The following LNPK variants were observed in gnomAD, a reference collection of about 807,000 sequenced individuals.
LNPK encodes the protein endoplasmic reticulum junction formation protein lunapark.
Under a neutral mutation model 55.2 loss-of-function variants are expected in LNPK, and 29 were observed. The observed-to-expected ratio is 0.53, with a 90% CI of 0.39 to 0.72. The LOEUF is 0.72. LNPK is among the 30% of genes least tolerant of loss of function. The pLI is 0.00. For missense variants in LNPK, 467 were observed against 494.8 expected (o/e 0.94, Z 0.53); for synonymous variants, 162 against 168.2 (o/e 0.96, Z 0.29).
chr2:175,963,933 T>C (rs1429592983), intron 8 of LNPK, among the ~76,000 whole-genome samples: 1 of 151,968 alleles, frequency 6.6e-6, no homozygotes, highest in Non-Finnish European at 1.5e-5. Context: ...TCAATTTTCA[T>C]TTTTCTTATT....
chr2:175,988,390 T>A (rs1687528575), intron 4 of LNPK, among the ~76,000 whole-genome samples: 1 of 151,204 alleles, frequency 6.6e-6, no homozygotes, highest in South Asian at 2.1e-4. Flanking sequence ...TGAATGCGTA[T>A]AATCCCCACT....
intron 5 of LNPK, among the ~76,000 whole-genome samples, chr2:175,975,195 T>C (rs1470076669): frequency 6.6e-6 from 1 of 152,146 alleles, no homozygotes; most frequent in Admixed American, 6.5e-5. Context: ...GCAAACATCA[T>C]ACTTAATGGT....
intron 9 of LNPK, chr2:175,940,921 A>C (rs1559030848): frequency 4.4e-6 from 2 of 451,440 alleles, no homozygotes; most frequent in Non-Finnish European, 8.9e-6. Flanking sequence ...ACACAAAAAA[A>C]CTGGTGAACT....
intron 1 of LNPK, among the ~76,000 whole-genome samples, chr2:175,996,297 T>C (rs183483615): frequency 1.4e-3 from 220 of 152,346 alleles, no homozygotes; most frequent in African/African-American, 5.1e-3. Context: ...ACTACTTTCA[T>C]ACTATACACT....
intron 9 of LNPK, among the ~76,000 whole-genome samples, chr2:175,943,472 C>T (rs1282676796): frequency 1.3e-5 from 2 of 151,602 alleles, no homozygotes; most frequent in Non-Finnish European, 3.0e-5. Flanking sequence ...ACAAAAAAAC[C>T]ACAGACCCAA....
chr2:175,980,904 CAAA>C (rs369143349), intron 4 of LNPK, among the ~76,000 whole-genome samples: 6 of 99,542 alleles, frequency 6.0e-5, no homozygotes, highest in Non-Finnish European at 5.8e-5. Context: ...AAGACTGTCC[CAAA>C]AAAAAAAAAA....
chr2:175,987,970 A>C (rs1687505863), intron 4 of LNPK, among the ~76,000 whole-genome samples: 1 of 152,222 alleles, frequency 6.6e-6, no homozygotes, highest in Admixed American at 6.5e-5. Flanking sequence ...AAAATGCTAA[A>C]AGTTGAAATA....
At chr2:175,961,713 C>T (rs1001263978) in intron 8 of LNPK, among the ~76,000 whole-genome samples, 1 of 152,006 alleles carries the variant, frequency 6.6e-6, no homozygotes, top group East Asian at 1.9e-4. Context: ...GGCAATCAGG[C>T]AGGAAAAAGA....
chr2:175,997,526 T>C (rs1687984473), intron 1 of LNPK, among the ~76,000 whole-genome samples: 1 of 152,202 alleles, frequency 6.6e-6, no homozygotes, highest in African/African-American at 2.4e-5. Flanking sequence ...CAGTGTTCTG[T>C]ACACAACCAA....
At chr2:175,941,724 G>C (rs898222381) in intron 9 of LNPK, among the ~76,000 whole-genome samples, 1 of 148,956 alleles carries the variant, frequency 6.7e-6, no homozygotes, top group Non-Finnish European at 1.5e-5. Flanking sequence ...CTGGGAGGTG[G>C]AGGTTGCAGT....
At chr2:175,933,307 A>G (rs1684370246) in intron 12 of LNPK, among the ~76,000 whole-genome samples, 1 of 152,154 alleles carries the variant, frequency 6.6e-6, no homozygotes, top group African/African-American at 2.4e-5. Context: ...ACATGCAAAA[A>G]CATGTAAAGA....
chr2:175,955,876 A>G (rs1685667716), intron 8 of LNPK, among the ~76,000 whole-genome samples: 2 of 152,194 alleles, frequency 1.3e-5, no homozygotes, highest in Non-Finnish European at 2.9e-5. Flanking sequence ...GCAAGATACA[A>G]TTGACTTTTC....
At chr2:175,997,725 G>A (rs1687997491) in intron 1 of LNPK, among the ~76,000 whole-genome samples, 1 of 148,288 alleles carries the variant, frequency 6.7e-6, no homozygotes, top group Non-Finnish European at 1.5e-5. Flanking sequence ...GTGTGTGTGT[G>A]TGTGTGTGTG....
In LNPK at chr2:175,947,567, G is replaced by C; in HGVS notation, c.619C>G (p.Pro207Ala). The C allele has an allele frequency of 6.2e-7, 1 of 1,614,044 alleles. No homozygotes were observed. Among genetic ancestry groups the C allele is most frequent in the Non-Finnish European group, 8.5e-7 (1 of 1,179,958 alleles). Residue 207 changes from proline (P) to alanine (A), a missense_variant, in exon 9 of 13, where the codon CCC becomes GCC. Transcript: ENST00000272748. ...PPKDSSAPGG[P>A]PERTVTPALS... ...GCTGGAGTAACAGTCCTTTCTGGGG[G>C]TCCACCAGGGGCAGAACTGTCCTTT...
At chr2:175,998,173 G>T (rs1389602995) in intron 1 of LNPK, among the ~76,000 whole-genome samples, 1 of 152,138 alleles carries the variant, frequency 6.6e-6, no homozygotes, top group African/African-American at 2.4e-5. Context: ...GCCGGGTGCG[G>T]TGGCTCACGC....
chr2:175,926,723 C>T lies in LNPK; in HGVS notation c.*3244G>A, dbSNP rs1470281771. On this transcript the variant is annotated 3_prime_UTR_variant, in exon 13 of 13. Coordinates refer to ENST00000272748, the MANE Select transcript of LNPK (RefSeq NM_030650.3). Reference sequence around the variant, plus strand: ...ATCATCATTATTAATGCAATGTGAACAGAGAAATGAGAATATAACTAGAAG... The same window carrying T: ...ATCATCATTATTAATGCAATGTGAATAGAGAAATGAGAATATAACTAGAAG... 6.6e-6 allele frequency: 1 copy of T among 152,036 alleles called. No individual in the cohort carries two copies. The highest frequency in any genetic ancestry group is 2.4e-5 in the African/African-American group (1 of 41,388). The allele number at this position is 152,036 out of a possible 1,614,324, so 9.4% of individuals were successfully genotyped here.
chr2:175,998,430 G>A lies in LNPK; in HGVS notation c.-62-2784C>T, dbSNP rs1688031484. On this transcript the variant is annotated intron_variant, in intron 1 of 12. Transcript: ENST00000272748. Reference sequence around the variant, plus strand: ...TGCACTCCAGCCTGGGTCACAGAGCGAGACTCCGTCTCACAAAAAAAAAAA... The same window carrying A: ...TGCACTCCAGCCTGGGTCACAGAGCAAGACTCCGTCTCACAAAAAAAAAAA... Among the ~76,000 whole-genome samples, 3 of 135,226 alleles carry A rather than the reference G, an allele frequency of 2.2e-5. No individual in the cohort carries two copies. The Admixed American group carries it at 2.5e-4, about 11-fold the overall frequency. 88.7% of individuals were successfully genotyped at this position (135,226 alleles called of 152,430 possible). A position where few individuals can be genotyped will look rare whatever the true frequency, so the allele number is the denominator to read the frequency against.
chr2:175,949,692 A>G (rs1193282196), intron 8 of LNPK, among the ~76,000 whole-genome samples: 2 of 152,078 alleles, frequency 1.3e-5, no homozygotes, highest in Non-Finnish European at 2.9e-5. Context: ...AGCATTCCAT[A>G]AAAGAGATGT....
At chr2:175,950,347 G>A (rs1685336159) in intron 8 of LNPK, among the ~76,000 whole-genome samples, 1 of 152,096 alleles carries the variant, frequency 6.6e-6, no homozygotes, top group African/African-American at 2.4e-5. Context: ...TGACAGTACA[G>A]TAGGGTGACT....
Sources: allele counts gnomAD v4.1 joint callset (sites outside exome capture counted in the v4.1 genomes callset), GRCh38; gene constraint gnomAD v4.1.1; transcripts MANE v1.5; gene names NCBI Gene and HGNC (gene_info 2026-07-23, HGNC 2026-07-21).